C10orf67: variants seen among roughly 807,000 people sequenced by gnomAD.
C10orf67 encodes the protein chromosome 10 open reading frame 67.
C10orf67 carries 60 observed loss-of-function variants against 35.6 expected under a neutral mutation model. That is an observed-to-expected ratio of 1.68 (90% CI 1.37 to 2.09). C10orf67 has a LOEUF of 2.09. Ranked by LOEUF, C10orf67 falls within the 30% of genes most tolerant of loss-of-function variation. The pLI is 0.00. For missense variants in C10orf67, 474 were observed against 330.2 expected (o/e 1.44, Z -3.38); for synonymous variants, 167 against 115.8 (o/e 1.44, Z -2.84).
chr10:23,290,126 C>G (rs910143154), intron 6 of C10orf67, among the ~76,000 whole-genome samples, 168 bp from the exon 7 acceptor site: 9 of 152,344 alleles, frequency 5.9e-5, no homozygotes, highest in African/African-American at 2.2e-4. Flanking sequence ...AGCCTTCTTC[C>G]TGCTGTTCAG....
chr10:23,327,793 C>G (rs1439299180), intron 2 of C10orf67, among the ~76,000 whole-genome samples: 1 of 151,270 alleles, frequency 6.6e-6, no homozygotes, highest in Admixed American at 6.6e-5. Flanking sequence ...CCACTGCACT[C>G]CAGCCTGGGT....
intron 8 of C10orf67, among the ~76,000 whole-genome samples, chr10:23,275,179 C>T (rs1843151364): frequency 6.6e-6 from 1 of 152,100 alleles, no homozygotes; most frequent in African/African-American, 2.4e-5. Context: ...GGGGTACTTC[C>T]TATTCACTTA....
intron 5 of C10orf67, among the ~76,000 whole-genome samples, chr10:23,294,406 AAC>A (rs917149451): frequency 2.6e-5 from 4 of 151,930 alleles, no homozygotes; most frequent in Admixed American, 6.6e-5. Context: ...CACACACAGA[AAC>A]ACACACACAC....
intron 5 of C10orf67, among the ~76,000 whole-genome samples, chr10:23,300,711 T>C (rs1316812676): frequency 6.6e-6 from 1 of 152,172 alleles, no homozygotes; most frequent in Non-Finnish European, 1.5e-5. Context: ...CCTTAGTCCT[T>C]CTAGCACGCA....
intron 5 of C10orf67, 35 bp from the exon 6 acceptor site, chr10:23,291,314 G>A: frequency 2.9e-6 from 2 of 695,480 alleles, no homozygotes; most frequent in African/African-American, 1.8e-5. Flanking sequence ...CCTAAGCAGG[G>A]AGCCAAGGAT....
chr10:23,210,721 C>T (rs532720153), intron 15 of C10orf67, among the ~76,000 whole-genome samples: 1 of 152,264 alleles, frequency 6.6e-6, no homozygotes, highest in African/African-American at 2.4e-5. Context: ...CCATGCCTGG[C>T]CTCAGACTCA....
chr10:23,303,425 A>T lies in C10orf67; in HGVS notation c.581T>A (p.Leu194Ter). Residue 194 changes from leucine (L) to a stop codon, truncating the protein, a stop_gained, in exon 5 of 16, where the codon TTG (leucine) becomes TAG (stop). Coordinates refer to ENST00000636213, the MANE Select transcript of C10orf67 (RefSeq NM_001371909.1). LOFTEE classifies it high-confidence loss of function. ...TGTTTTGACAGTACTCGCATCTTGCAAAGAAACATTCTCTTCTTCTACCTC... is the reference window on the plus strand; with the variant it reads ...TGTTTTGACAGTACTCGCATCTTGCTAAGAAACATTCTCTTCTTCTACCTC... ...FFEVEEENVS[L>*]QDASTVKTNI... is the part of the protein sequence containing the mutation. The T allele has an allele frequency of 1.7e-6, 1 of 603,266 alleles. No homozygotes were observed. The highest frequency in any genetic ancestry group is 3.0e-6 in the Non-Finnish European group (1 of 334,714). The allele number at this position is 603,266 out of a possible 1,614,324, so 37.4% of individuals were successfully genotyped here.
At chr10:23,285,137 G>A (rs928494559) in intron 7 of C10orf67, among the ~76,000 whole-genome samples, 5 of 152,034 alleles carry the variant, frequency 3.3e-5, no homozygotes, top group African/African-American at 9.7e-5. Flanking sequence ...CACACAGTAC[G>A]CCTGGGAGAA....
At chr10:23,224,337 C>T (rs764825424) in intron 13 of C10orf67, among the ~76,000 whole-genome samples, 15 of 152,112 alleles carry the variant, frequency 9.9e-5, no homozygotes, top group African/African-American at 3.4e-4. Context: ...AGAAGGAAAA[C>T]GAACAAACAG....
At chr10:23,295,742 A>AAAAAGT (rs1046534589) in intron 5 of C10orf67, among the ~76,000 whole-genome samples, 1 of 152,254 alleles carries the variant, frequency 6.6e-6, no homozygotes, top group African/African-American at 2.4e-5. Flanking sequence ...TGTTTTCTTC[A>AAAAAGT]AAAAGTAAAA....
At chr10:23,300,389 C>G (rs184606034) in intron 5 of C10orf67, among the ~76,000 whole-genome samples, 1 of 151,710 alleles carries the variant, frequency 6.6e-6, no homozygotes, top group African/African-American at 2.4e-5. Context: ...TTTTTTATCC[C>G]GTTTGTCCCA....
chr10:23,325,660 A>G (rs1845165413), intron 2 of C10orf67, among the ~76,000 whole-genome samples: 1 of 144,460 alleles, frequency 6.9e-6, no homozygotes, highest in African/African-American at 2.6e-5. Flanking sequence ...AATATAATCC[A>G]AATTACTTGG....
chr10:23,203,856 T>G lies in C10orf67; in HGVS notation c.*317A>C. On this transcript the variant is annotated 3_prime_UTR_variant, in exon 16 of 16. Transcript: ENST00000636213. ...AACTTTTTAATTAAAGTCCGTCCCT[T>G]CCCACTCTTAGACGCCTGGGCTCTT... The G allele has an allele frequency of 8.7e-6, 2 of 230,730 alleles. No individual in the cohort carries two copies. Among genetic ancestry groups the G allele is most frequent in the Non-Finnish European group, 1.7e-5 (2 of 120,394 alleles). 14.3% of individuals were successfully genotyped at this position (230,730 alleles called of 1,614,324 possible).
At chr10:23,325,851 A>T (rs1845174404) in intron 2 of C10orf67, among the ~76,000 whole-genome samples, 1 of 152,150 alleles carries the variant, frequency 6.6e-6, no homozygotes, top group African/African-American at 2.4e-5. Flanking sequence ...AGGAAATATC[A>T]ACAAACAGAA....
At chr10:23,307,324 T>C (rs1438228480) in intron 4 of C10orf67, among the ~76,000 whole-genome samples, 5 of 152,154 alleles carry the variant, frequency 3.3e-5, no homozygotes, top group Non-Finnish European at 7.4e-5. Flanking sequence ...ACATACAACA[T>C]ACAGGAAATA....
chr10:23,339,086 G>A (rs781274110), intron 1 of C10orf67, among the ~76,000 whole-genome samples: 20 of 152,132 alleles, frequency 1.3e-4, no homozygotes, highest in Non-Finnish European at 2.4e-4. Flanking sequence ...TCCTGTCTCT[G>A]CAACTTTAGG....
intron 5 of C10orf67, among the ~76,000 whole-genome samples, chr10:23,296,220 T>C (rs1030593781): frequency 6.6e-6 from 1 of 152,066 alleles, no homozygotes; most frequent in Non-Finnish European, 1.5e-5. Flanking sequence ...TAGAGTTAAA[T>C]AGAGTGGAAA....
rs1419341998 is a variant in C10orf67 at position 23,219,335 on chromosome 10, GT to G, written c.1570+4262del. Among the ~76,000 whole-genome samples, 7 of 152,264 alleles carry G rather than the reference GT, an allele frequency of 4.6e-5. No homozygotes were observed. The East Asian group carries it at 1.3e-3, about 29-fold the overall frequency. ...TCACTGTTACTTTGAGGTTTTATCT[GT>G]AAGATTCGTGTCTTTTGGGCTCATT... is the stretch of plus-strand genomic sequence containing the variant. On this transcript the variant is annotated intron_variant, in intron 15 of 15. Coordinates refer to ENST00000636213, the MANE Select transcript of C10orf67 (RefSeq NM_001371909.1).
chr10:23,310,802 C>A (rs1844467237), intron 4 of C10orf67, among the ~76,000 whole-genome samples: 1 of 152,198 alleles, frequency 6.6e-6, no homozygotes, highest in African/African-American at 2.4e-5. Context: ...GGTCAGCACT[C>A]CATGTTGCCT....
Sources: allele counts gnomAD v4.1 joint callset (sites outside exome capture counted in the v4.1 genomes callset), GRCh38; gene constraint gnomAD v4.1.1; transcripts MANE v1.5; gene names NCBI Gene and HGNC (gene_info 2026-07-23, HGNC 2026-07-21).